The following SLC24A3 variants were observed in gnomAD, a reference collection of about 807,000 sequenced individuals.
SLC24A3 encodes the protein solute carrier family 24 member 3.
In SLC24A3, 28 loss-of-function variants were observed where a neutral mutation model predicts 75.8. The observed-to-expected ratio is 0.37, with a 90% CI of 0.27 to 0.51. The LOEUF (loss-of-function observed/expected upper bound fraction) is 0.51. SLC24A3 is among the 20% of genes least tolerant of loss of function. SLC24A3 has a pLI of 0.94. For missense variants in SLC24A3, 663 were observed against 847.8 expected (o/e 0.78, Z 2.71); for synonymous variants, 372 against 334.1 (o/e 1.11, Z -1.24).
intron 7 of SLC24A3, among the ~76,000 whole-genome samples, chr20:19,659,126 A>C (rs2032298133): frequency 6.6e-6 from 1 of 152,240 alleles, no homozygotes; most frequent in Non-Finnish European, 1.5e-5. Flanking sequence ...CCTATGGGAC[A>C]GGTCCCAGGT....
intron 14 of SLC24A3, among the ~76,000 whole-genome samples, chr20:19,697,922 T>C (rs925405473): frequency 6.6e-6 from 1 of 152,194 alleles, no homozygotes; most frequent in African/African-American, 2.4e-5. Flanking sequence ...CTCACATTGC[T>C]GTAAAGAAAT....
chr20:19,684,504 C>T (rs921203340), intron 11 of SLC24A3, among the ~76,000 whole-genome samples, 168 bp downstream of exon 11: 2 of 152,124 alleles, frequency 1.3e-5, no homozygotes, highest in African/African-American at 2.4e-5. Flanking sequence ...TATATCTGGC[C>T]CTTGCTCTTC....
At chr20:19,309,957 C>G (rs1984417790) in intron 2 of SLC24A3, among the ~76,000 whole-genome samples, 1 of 152,066 alleles carries the variant, frequency 6.6e-6, no homozygotes, top group Non-Finnish European at 1.5e-5. Flanking sequence ...CACACTCTTC[C>G]TGCTATCAGT....
intron 2 of SLC24A3, among the ~76,000 whole-genome samples, chr20:19,452,073 AG>A (rs1326221228): frequency 6.6e-6 from 1 of 152,204 alleles, no homozygotes; most frequent in Non-Finnish European, 1.5e-5. Flanking sequence ...ATAATTCAAA[AG>A]AAGCCCAGCT....
At position 19,568,251 on chromosome 20, in the gene SLC24A3, G is replaced by A. The variant is rs115895296; in HGVS notation, c.349-11749G>A. Among the ~76,000 whole-genome samples the A allele has an allele frequency of 1.9e-3, 283 of 152,242 alleles. 2 individuals are homozygous for A. The highest frequency in any genetic ancestry group is 6.3e-3 in the African/African-American group (263 of 41,544). The stretch of plus-strand genomic sequence containing the variant: ...GCAGTTTCTCAAATGATTTAAAACA[G>A]AATTACATGTGAACCATCAATTCCA... On this transcript the variant is annotated intron_variant, in intron 3 of 16. Coordinates refer to ENST00000328041, the MANE Select transcript of SLC24A3 (RefSeq NM_020689.4).
intron 15 of SLC24A3, among the ~76,000 whole-genome samples, chr20:19,703,019 G>A (rs2032891548): frequency 6.6e-6 from 1 of 152,164 alleles, no homozygotes; most frequent in African/African-American, 2.4e-5. Flanking sequence ...AGACTAAAAT[G>A]TAAATGAACA....
intron 2 of SLC24A3, among the ~76,000 whole-genome samples, chr20:19,502,868 CAA>C (rs368651686): frequency 0.013 from 960 of 72,188 alleles, 9 homozygotes; most frequent in South Asian, 0.069. Context: ...CTGTCTCTAC[CAA>C]AAAAAAAAAA....
chr20:19,472,182 TGGTG>T (rs1282207042), intron 2 of SLC24A3, among the ~76,000 whole-genome samples: 1 of 152,180 alleles, frequency 6.6e-6, no homozygotes, highest in African/African-American at 2.4e-5. Flanking sequence ...CCTATGGAAA[TGGTG>T]GGTAGCTTTC....
At chr20:19,413,895 G>A (rs1986787019) in intron 2 of SLC24A3, among the ~76,000 whole-genome samples, 1 of 151,998 alleles carries the variant, frequency 6.6e-6, no homozygotes, top group Non-Finnish European at 1.5e-5. Context: ...CATCAAGCTG[G>A]GAAATGTTTG....
chr20:19,348,205 C>T (rs1985474611), intron 2 of SLC24A3, among the ~76,000 whole-genome samples: 1 of 152,176 alleles, frequency 6.6e-6, no homozygotes. Flanking sequence ...GCACTCTGAA[C>T]AATTCTTTAT....
chr20:19,618,128 T>C (rs1483899680), intron 6 of SLC24A3, among the ~76,000 whole-genome samples: 4 of 152,020 alleles, frequency 2.6e-5, no homozygotes, highest in Admixed American at 1.3e-4. Context: ...TGGGGAAAGA[T>C]GGGGAAGAAG....
chr20:19,400,547 TG>T (rs1986534097), intron 2 of SLC24A3, among the ~76,000 whole-genome samples: 1 of 152,212 alleles, frequency 6.6e-6, no homozygotes, highest in Non-Finnish European at 1.5e-5. Context: ...GCTCTTCATC[TG>T]TATGTGCTGA....
intron 1 of SLC24A3, 56 bp from the exon 2 acceptor site, chr20:19,280,903 G>C: frequency 6.3e-7 from 1 of 1,584,576 alleles, no homozygotes; most frequent in South Asian, 1.2e-5. Context: ...TGCAGCGTCG[G>C]CAGAGGCTGA....
At chr20:19,255,711 A>C (rs1982795038) in intron 1 of SLC24A3, among the ~76,000 whole-genome samples, 1 of 152,228 alleles carries the variant, frequency 6.6e-6, no homozygotes, top group Non-Finnish European at 1.5e-5. Context: ...GAGCACTTGC[A>C]ATGTCGCTTG....
chr20:19,258,483 A>G (rs1982881779), intron 1 of SLC24A3, among the ~76,000 whole-genome samples: 1 of 152,202 alleles, frequency 6.6e-6, no homozygotes, highest in Admixed American at 6.5e-5. Flanking sequence ...AGGTGGGCGG[A>G]TCACGAGGTC....
At chr20:19,435,826 GC>G (rs932437417) in intron 2 of SLC24A3, among the ~76,000 whole-genome samples, 95 of 152,298 alleles carry the variant, frequency 6.2e-4, no homozygotes, top group African/African-American at 2.2e-3. Flanking sequence ...AGAAAAGTCT[GC>G]CCTGCTGACT....
At chr20:19,620,453 A>T (rs1247198848) in intron 6 of SLC24A3, among the ~76,000 whole-genome samples, 1 of 152,192 alleles carries the variant, frequency 6.6e-6, no homozygotes, top group Non-Finnish European at 1.5e-5. Flanking sequence ...ATTAGGCGTT[A>T]TTAAGAGAAA....
chr20:19,321,790 T>G (rs1254339326), intron 2 of SLC24A3, among the ~76,000 whole-genome samples: 7 of 152,348 alleles, frequency 4.6e-5, no homozygotes, highest in Non-Finnish European at 1.0e-4. Flanking sequence ...TATTCCTATA[T>G]TCTTATTTCT....
chr20:19,309,026 C>A (rs905873748), intron 2 of SLC24A3, among the ~76,000 whole-genome samples: 1 of 152,192 alleles, frequency 6.6e-6, no homozygotes, highest in South Asian at 2.1e-4. Context: ...GCCATGGATT[C>A]GTGGAGGACA....
Sources: gnomAD v4.1 joint callset for allele counts (sites outside exome capture counted in the v4.1 genomes callset) on GRCh38, gnomAD v4.1.1 for gene constraint, MANE v1.5 for transcripts, NCBI Gene and HGNC (gene_info 2026-07-23, HGNC 2026-07-21) for gene names.